Variants in KIF23 observed in about 807,000 individuals in gnomAD.
KIF23 encodes kinesin-like protein KIF23.
KIF23 carries 30 observed loss-of-function variants against 137.5 expected under a neutral mutation model. The ratio of observed to expected loss-of-function variants is 0.22; its 90% CI spans 0.16 to 0.30. The LOEUF (loss-of-function observed/expected upper bound fraction) is 0.30. Among genes scored for constraint, KIF23 ranks in the 10% least tolerant of loss-of-function variants. KIF23 has a pLI of 1.00. For synonymous variants in KIF23, 367 were observed against 391.1 expected (o/e 0.94, Z 0.73); for missense variants, 920 against 1,194.3 (o/e 0.77, Z 3.38).
At chr15:69,429,248 C>G in intron 11 of KIF23, 35 bp downstream of exon 11, 1 of 1,431,824 alleles carries the variant, frequency 7.0e-7, no homozygotes, top group Non-Finnish European at 9.7e-7. Context: ...ATTGCTACAA[C>G]TTTCAGAAAC....
chr15:69,421,585 A>G (rs1306312611), intron 3 of KIF23, 62 bp from the exon 4 acceptor site: 10 of 972,964 alleles, frequency 1.0e-5, no homozygotes, highest in Admixed American at 5.5e-5. Context: ...GTTTAAGGAG[A>G]TGTATTTTTA....
intron 22 of KIF23, 163 bp from the exon 23 acceptor site, chr15:69,446,708 G>A (rs1277067276): frequency 5.7e-6 from 4 of 707,788 alleles, no homozygotes; most frequent in South Asian, 3.3e-5. Flanking sequence ...TTTGTGGCCT[G>A]TGCCAGAAAT....
chr15:69,422,103 T>C lies in KIF23; in HGVS notation c.428T>C (p.Ile143Thr). Residue 143 changes from isoleucine to threonine, a missense_variant, in exon 5 of 24, where the codon ATA becomes ACA. Physicochemically the swap from Ile to Thr is moderately conservative, Grantham distance 89 (BLOSUM62 -1). Transcript: ENST00000679126. ...PRCLDMIFNS[I>T]GSFQAKRYVF... ...TGTTTGGACATGATCTTTAACAGTA[T>C]AGGGTCATTTCAAGCTAAACGATAT... The C allele has an allele frequency of 6.2e-7, 1 of 1,613,954 alleles. No homozygotes were observed. The highest frequency in any genetic ancestry group is 8.5e-7 in the Non-Finnish European group (1 of 1,179,932).
intron 15 of KIF23, among the ~76,000 whole-genome samples, chr15:69,437,885 C>G (rs1249618076): frequency 6.6e-6 from 1 of 152,128 alleles, no homozygotes; most frequent in African/African-American, 2.4e-5. Context: ...TAAGTCATAA[C>G]TAGTAAGTGA....
chr15:69,421,135 G>A (rs1295945653), intron 3 of KIF23, among the ~76,000 whole-genome samples: 33 of 152,198 alleles, frequency 2.2e-4, no homozygotes, highest in Admixed American at 2.0e-3. Flanking sequence ...GCTCACGCCT[G>A]TAATCCCAGC....
At chr15:69,438,532 T>G in intron 16 of KIF23, 127 bp downstream of exon 16, 1 of 773,600 alleles carries the variant, frequency 1.3e-6, no homozygotes, top group Non-Finnish European at 1.9e-6. Context: ...GTGCGGTGGC[T>G]CATGCAGGTA....
At chr15:69,431,346 G>A (rs185670314) in intron 11 of KIF23, among the ~76,000 whole-genome samples, 49 of 152,362 alleles carry the variant, frequency 3.2e-4, no homozygotes, top group African/African-American at 1.1e-3. Flanking sequence ...GGATGCAGTG[G>A]CTCACGCCTG....
chr15:69,445,557 A>AT (rs35480519), intron 20 of KIF23, among the ~76,000 whole-genome samples: 2 of 151,714 alleles, frequency 1.3e-5, no homozygotes, highest in African/African-American at 4.8e-5. Context: ...GACCAAAAAA[A>AT]AAAAAAGCTT....
chr15:69,428,512 G>A (rs979183735), intron 10 of KIF23, among the ~76,000 whole-genome samples: 1 of 150,784 alleles, frequency 6.6e-6, no homozygotes, highest in Non-Finnish European at 1.5e-5. Context: ...CAAAAAAAAT[G>A]AGCTGGGCAT....
chr15:69,436,025 T>G (rs2057469482), intron 13 of KIF23, 113 bp from the exon 14 acceptor site: 1 of 1,408,222 alleles, frequency 7.1e-7, no homozygotes, highest in African/African-American at 1.4e-5. Context: ...CACTCCAGCC[T>G]GGTGACAGAC....
intron 3 of KIF23, among the ~76,000 whole-genome samples, chr15:69,421,019 G>A (rs1195833030): frequency 6.6e-6 from 1 of 152,142 alleles, no homozygotes; most frequent in Admixed American, 6.5e-5. Context: ...ACTATGAATC[G>A]TTACAATACC....
chr15:69,447,487 ATATATG>A (rs963568452), intron 23 of KIF23, among the ~76,000 whole-genome samples: 13 of 152,142 alleles, frequency 8.5e-5, no homozygotes, highest in African/African-American at 3.1e-4. Context: ...AAATACATAC[ATATATG>A]TATATCACAT....
At chr15:69,445,876 G>A in intron 20 of KIF23, 133 bp from the exon 21 acceptor site, 2 of 678,772 alleles carry the variant, frequency 2.9e-6, no homozygotes, top group Non-Finnish European at 5.2e-6. Flanking sequence ...TACTCAGCAA[G>A]TACCAAGTAC....
Position 69,421,633 on chromosome 15 carries a change from TTC to T in KIF23, c.211-7_211-6del, listed in dbSNP as rs750472783. ...GTGGAATTCTATTTAGTGCATTTTT[TTC>T]TCTCTCCACAGACTCAGTATTCATT... On this transcript the variant is annotated splice_polypyrimidine_tract_variant and intron_variant, in intron 3 of 23. Transcript: ENST00000679126. 5.2e-6 allele frequency: 8 copies of T among 1,527,004 alleles called. No homozygotes were observed. Among genetic ancestry groups the T allele is most frequent in the Non-Finnish European group, 7.3e-6 (8 of 1,102,674 alleles). The allele number at this position is 1,527,004 out of a possible 1,614,324, so 94.6% of individuals were successfully genotyped here. A position where few individuals can be genotyped will look rare whatever the true frequency, so the allele number is the denominator to read the frequency against.
chr15:69,430,832 G>A (rs1049954578), intron 11 of KIF23, among the ~76,000 whole-genome samples: 1 of 152,142 alleles, frequency 6.6e-6, no homozygotes, highest in African/African-American at 2.4e-5. Context: ...ACACTAGATA[G>A]GTAGGATTGT....
chr15:69,443,469 GCTGGGACCAC>G (rs2057674400), intron 19 of KIF23: 1 of 150,354 alleles, frequency 6.7e-6, no homozygotes, highest in African/African-American at 2.4e-5. Context: ...CTCCTGAGTA[GCTGGGACCAC>G]AGGCATGTGC....
At chr15:69,434,360 C>CT (rs536659775) in intron 11 of KIF23, 11 of 238,826 alleles carry the variant, frequency 4.6e-5, no homozygotes, top group Admixed American at 9.9e-5. Context: ...GCAATCTAAT[C>CT]TTTTTTTTAA....
intron 16 of KIF23, among the ~76,000 whole-genome samples, chr15:69,438,925 G>A (rs374441809): frequency 1.3e-3 from 196 of 152,004 alleles, no homozygotes; most frequent in Non-Finnish European, 1.5e-3. Context: ...GCAACGTGGC[G>A]AAACCCCATA....
At chr15:69,442,513 TG>T (rs2057645688) in intron 19 of KIF23, among the ~76,000 whole-genome samples, 1 of 152,234 alleles carries the variant, frequency 6.6e-6, no homozygotes, top group Non-Finnish European at 1.5e-5. Context: ...TGTTCATTTA[TG>T]TGGCCTGAAT....
Sources: gnomAD v4.1 joint callset for allele counts (sites outside exome capture counted in the v4.1 genomes callset) on GRCh38, gnomAD v4.1.1 for gene constraint, MANE v1.5 for transcripts, NCBI Gene and HGNC (gene_info 2026-07-23, HGNC 2026-07-21) for gene names.